The following LAMB1 variants were observed in gnomAD, a reference collection of about 807,000 sequenced individuals.
LAMB1 encodes the protein laminin subunit beta-1.
LAMB1 carries 121 observed loss-of-function variants against 222.3 expected under a neutral mutation model. The observed-to-expected ratio is 0.54, with a 90% CI of 0.47 to 0.63. The LOEUF is 0.63. Among genes scored for constraint, LAMB1 ranks in the 30% least tolerant of loss-of-function variants. The pLI is 0.00. For missense variants in LAMB1, 2,172 were observed against 2,240.8 expected (o/e 0.97, Z 0.62); for synonymous variants, 794 against 807.2 (o/e 0.98, Z 0.28).
chr7:107,972,394 C>G (rs2033767013), intron 13 of LAMB1, among the ~76,000 whole-genome samples: 1 of 152,196 alleles, frequency 6.6e-6, no homozygotes, highest in African/African-American at 2.4e-5. Context: ...TGTTCTGACT[C>G]TGAGCCAGGA....
chr7:107,925,818 T>C (rs2032548618), intron 32 of LAMB1, among the ~76,000 whole-genome samples: 1 of 151,658 alleles, frequency 6.6e-6, no homozygotes, highest in African/African-American at 2.4e-5. Context: ...TGATAATTAC[T>C]ATATGCCATG....
Position 108,002,986 on chromosome 7 carries a change from AGGAGGGG to A in LAMB1, c.-86-22_-86-16del. 4 of 1,575,454 alleles carry A rather than the reference AGGAGGGG, an allele frequency of 2.5e-6. No homozygotes were observed. The highest frequency in any genetic ancestry group is 1.9e-5 in the Admixed American group (1 of 52,450). On this transcript the variant is annotated splice_polypyrimidine_tract_variant and intron_variant, in intron 1 of 33. Coordinates refer to ENST00000222399, the MANE Select transcript of LAMB1 (RefSeq NM_002291.3). ...CGTCTTCCTTTCTGGAGAGGTGGAA[AGGAGGGG>A]AAAAAAGGCAAATGTTCAAAGAGAG...
At chr7:107,963,634 G>T (rs551673677) in intron 14 of LAMB1, among the ~76,000 whole-genome samples, 1 of 152,268 alleles carries the variant, frequency 6.6e-6, no homozygotes, top group South Asian at 2.1e-4. Context: ...GTATCTGTAT[G>T]TACCCGTGTG....
intron 20 of LAMB1, among the ~76,000 whole-genome samples, chr7:107,958,274 G>C (rs543540866): frequency 1.4e-3 from 219 of 152,256 alleles, no homozygotes; most frequent in Non-Finnish European, 2.6e-3. Context: ...ACAATTTTAA[G>C]GTTGGAAGGG....
chr7:107,948,464 C>G (rs2033175789), intron 24 of LAMB1, among the ~76,000 whole-genome samples: 1 of 152,142 alleles, frequency 6.6e-6, no homozygotes, highest in Non-Finnish European at 1.5e-5. Context: ...ACACCTGGAT[C>G]TAGAACCTGG....
chr7:107,975,657 T>C (rs757169403), intron 10 of LAMB1, 32 bp downstream of exon 10: 1 of 1,583,282 alleles, frequency 6.3e-7, no homozygotes, highest in South Asian at 1.1e-5. Context: ...CTGAAGTAGG[T>C]CCCACACAGT....
chr7:107,983,986 C>T lies in LAMB1; in HGVS notation c.676+2036G>A, dbSNP rs185460351. Reference sequence around the variant, plus strand: ...TATCACTTTACGTAATAACATCCAACTCTATAAGCTTCAGCTTATTTTTCT... The same window carrying T: ...TATCACTTTACGTAATAACATCCAATTCTATAAGCTTCAGCTTATTTTTCT... On this transcript the variant is annotated intron_variant, in intron 7 of 33. Coordinates refer to ENST00000222399, the MANE Select transcript of LAMB1 (RefSeq NM_002291.3). 3.6e-4 allele frequency among the ~76,000 whole-genome samples: 55 copies of T among 152,304 alleles called. 1 individual carries two copies. The Middle Eastern group carries it at 0.02, about 57-fold the overall frequency.
intron 24 of LAMB1, among the ~76,000 whole-genome samples, chr7:107,948,842 C>T (rs2033182704): frequency 6.6e-6 from 1 of 151,986 alleles, no homozygotes; most frequent in African/African-American, 2.4e-5. Flanking sequence ...GCATAATAGG[C>T]AAACCATAAA....
intron 13 of LAMB1, among the ~76,000 whole-genome samples, chr7:107,965,827 C>T (rs774316120): frequency 6.6e-6 from 1 of 151,918 alleles, no homozygotes; most frequent in Non-Finnish European, 1.5e-5. Context: ...AGGCCGGGTG[C>T]GCAGTGGCTC....
At chr7:107,931,140 G>C (rs2032700084) in intron 29 of LAMB1, among the ~76,000 whole-genome samples, 1 of 152,128 alleles carries the variant, frequency 6.6e-6, no homozygotes, top group East Asian at 1.9e-4. Context: ...TTGGCTACCT[G>C]AGTATCCCAT....
intron 24 of LAMB1, 89 bp downstream of exon 24, chr7:107,951,137 C>T (rs1333380876): frequency 2.3e-6 from 2 of 887,282 alleles, no homozygotes; most frequent in African/African-American, 3.4e-5. Context: ...TTAATTTGTA[C>T]TGTGTTTTAT....
chr7:107,972,340 ATC>A (rs372787129), intron 13 of LAMB1, among the ~76,000 whole-genome samples: 235 of 152,318 alleles, frequency 1.5e-3, no homozygotes, highest in African/African-American at 5.4e-3. Flanking sequence ...ACAGGGAAAC[ATC>A]TGTCTATTCT....
chr7:107,969,731 C>T (rs566072699), intron 13 of LAMB1, among the ~76,000 whole-genome samples: 7 of 152,280 alleles, frequency 4.6e-5, no homozygotes, highest in African/African-American at 1.7e-4. Context: ...AAGCTACAAA[C>T]CTGTACAGCA....
At chr7:107,969,055 G>A (rs953700175) in intron 13 of LAMB1, among the ~76,000 whole-genome samples, 80 of 152,228 alleles carry the variant, frequency 5.3e-4, no homozygotes, top group African/African-American at 1.4e-3. Flanking sequence ...TTGGGAGTCC[G>A]AGGCGAGCGG....
chr7:107,946,273 T>G (rs892739681), intron 24 of LAMB1, among the ~76,000 whole-genome samples: 36 of 152,374 alleles, frequency 2.4e-4, no homozygotes, highest in African/African-American at 8.4e-4. Flanking sequence ...ATTTCTTACA[T>G]GGGATTTTCT....
rs756623178 is a variant in LAMB1, at chr7:107,940,307, G to A, written c.3443C>T (p.Thr1148Met). The A allele has an allele frequency of 2.9e-5, 47 of 1,614,058 alleles. No individual in the cohort carries two copies. The highest frequency in any genetic ancestry group is 1.5e-4 in the Admixed American group (9 of 60,002). Residue 1148 changes from threonine (T) to methionine (M), a missense_variant, in exon 25 of 34, where the codon ACG becomes ATG. By Grantham distance (81) the Thr-to-Met change is moderately conservative. Coordinates refer to ENST00000222399, the MANE Select transcript of LAMB1 (RefSeq NM_002291.3). Reference sequence around the variant, plus strand: ...ACCCTCAACGCAGACACACTGGCCCGTGGACTGGTCACACTGTGGCGTCTC... The same window carrying A: ...ACCCTCAACGCAGACACACTGGCCCATGGACTGGTCACACTGTGGCGTCTC... ...GIETPQCDQSTGQCVCVEGVE... is the reference protein window; with the variant it reads ...GIETPQCDQSMGQCVCVEGVE...
intron 12 of LAMB1, among the ~76,000 whole-genome samples, chr7:107,974,749 T>C (rs1020436830): frequency 2.6e-5 from 4 of 152,208 alleles, no homozygotes; most frequent in Non-Finnish European, 5.9e-5. Flanking sequence ...AAAACTTGTG[T>C]TAATTGTGTC....
In LAMB1 at chr7:107,935,486, C is replaced by T. The variant is rs1019945505; in HGVS notation, c.4117G>A (p.Glu1373Lys). Residue 1373 changes from glutamate to lysine, a missense_variant, in exon 27 of 34, where the codon GAG (glutamate) becomes AAG (lysine). By Grantham distance (56) the Glu-to-Lys change is moderately conservative. Transcript: ENST00000222399. ...RESQFKEKQE[E>K]QARLLDELAG... Reference sequence around the variant, plus strand: ...AGTTCATCAAGGAGGCGAGCCTGCTCCTCTTGTTTTTCCTTGAACTGGGAT... The same window carrying T: ...AGTTCATCAAGGAGGCGAGCCTGCTTCTCTTGTTTTTCCTTGAACTGGGAT... 1 of 1,613,340 alleles carries T rather than the reference C, an allele frequency of 6.2e-7. No individual in the cohort carries two copies. Among genetic ancestry groups the T allele is most frequent in the East Asian group, 2.2e-5 (1 of 44,832 alleles).
chr7:107,985,982 C>G (rs1020501487), intron 7 of LAMB1, 40 bp downstream of exon 7: 1 of 1,473,390 alleles, frequency 6.8e-7, no homozygotes, highest in Non-Finnish European at 9.5e-7. Flanking sequence ...AACAAACAAA[C>G]AAACTAACAA....
Sources: gnomAD v4.1 joint callset for allele counts (sites outside exome capture counted in the v4.1 genomes callset) on GRCh38, gnomAD v4.1.1 for gene constraint, MANE v1.5 for transcripts, NCBI Gene and HGNC (gene_info 2026-07-23, HGNC 2026-07-21) for gene names.